The following MT4 variants were observed in gnomAD, a reference collection of about 807,000 sequenced individuals.
The protein encoded by MT4 is metallothionein-4.
MT4 carries 11 observed loss-of-function variants against 9.5 expected under a neutral mutation model. The ratio of observed to expected loss-of-function variants is 1.16; its 90% CI spans 0.73 to 1.92. The LOEUF (loss-of-function observed/expected upper bound fraction) is 1.92. Ranked by LOEUF, MT4 falls within the 30% of genes most tolerant of loss-of-function variation. The pLI is 0.00. For synonymous variants in MT4, 29 were observed against 24.6 expected (o/e 1.18, Z -0.53); for missense variants, 88 against 78.7 (o/e 1.12, Z -0.45).
intron 2 of MT4, among the ~76,000 whole-genome samples, chr16:56,568,305 G>T (rs1202191568): frequency 6.9e-6 from 1 of 144,480 alleles, no homozygotes; most frequent in Admixed American, 6.9e-5. Context: ...AAGAAAGAAA[G>T]AAAGAAAGAA....
At chr16:56,568,231 GAAAGAAAGAAAGAAAGAAAGAA>G (rs1207151618) in intron 2 of MT4, among the ~76,000 whole-genome samples, 745 of 34,190 alleles carry the variant, frequency 0.022, 28 homozygotes, top group Middle Eastern at 0.038. Flanking sequence ...AAGAAAGAAA[GAAAGAAAGAAAGAAAGAAAGAA>G]AGAAAGAGAG....
At chr16:56,568,209 G>A (rs186787504) in intron 2 of MT4, among the ~76,000 whole-genome samples, 35 of 61,546 alleles carry the variant, frequency 5.7e-4, no homozygotes, top group African/African-American at 2.1e-3. Context: ...GAGAGAGAGA[G>A]AGAGAGAAAG....
At chr16:56,565,920 C>T (rs1205255853) in intron 1 of MT4, among the ~76,000 whole-genome samples, 3 of 151,808 alleles carry the variant, frequency 2.0e-5, no homozygotes, top group African/African-American at 7.3e-5. Flanking sequence ...TTAAACTTAG[C>T]TGGGCGTAGT....
chr16:56,566,819 A>AAAGAAAGAAAGAAAGAAAG (rs1160884981), intron 1 of MT4, among the ~76,000 whole-genome samples: 3 of 52,528 alleles, frequency 5.7e-5, no homozygotes, highest in Admixed American at 2.6e-4. Context: ...AGAAAGAAAG[A>AAAGAAAGAAAGAAAGAAAG]AAAGAAAGAA....
chr16:56,565,074 C>T lies in MT4; in HGVS notation c.-55C>T. Reference sequence around the variant, plus strand: ...ATGGGGAGCCTCTGGCTGCTGCTCACTCAGCCTCCCTTCCCCAGCCGTGAC... The same window carrying T: ...ATGGGGAGCCTCTGGCTGCTGCTCATTCAGCCTCCCTTCCCCAGCCGTGAC... On this transcript the variant is annotated 5_prime_UTR_variant, in exon 1 of 3. Transcript: ENST00000219162. 6.2e-7 allele frequency: 1 copy of T among 1,609,972 alleles called. No individual in the cohort carries two copies. Among genetic ancestry groups the T allele is most frequent in the South Asian group, 1.1e-5 (1 of 90,642 alleles).
intron 2 of MT4, among the ~76,000 whole-genome samples, chr16:56,568,211 GAGAGAAAGAAAGAAAGAAAGAAAGAA>G (rs1175886007): frequency 8.6e-5 from 5 of 57,826 alleles, no homozygotes; most frequent in African/African-American, 2.7e-4. Flanking sequence ...GAGAGAGAGA[GAGAGAAAGAAAGAAAGAAAGAAAGAA>G]AGAAAGAAAG....
chr16:56,566,707 AAAGAAAG>A (rs1959524186), intron 1 of MT4, among the ~76,000 whole-genome samples: 1 of 49,398 alleles, frequency 2.0e-5, no homozygotes, highest in Non-Finnish European at 3.5e-5. Flanking sequence ...AAAGAGAAAG[AAAGAAAG>A]AAAGAAAGAA....
At chr16:56,566,722 GA>G (rs377281082) in intron 1 of MT4, among the ~76,000 whole-genome samples, 12,461 of 48,302 alleles carry the variant, frequency 0.26, 978 homozygotes, top group Non-Finnish European at 0.34. Context: ...AAGAAAGAAA[GA>G]AAGAAAGAAA....
At chr16:56,565,478 C>T (rs559879645) in intron 1 of MT4, among the ~76,000 whole-genome samples, 1 of 152,304 alleles carries the variant, frequency 6.6e-6, no homozygotes, top group Non-Finnish European at 1.5e-5. Flanking sequence ...ATCTGGCAAC[C>T]TGGTTTGGGT....
intron 2 of MT4, among the ~76,000 whole-genome samples, chr16:56,568,257 A>AAGAG (rs200348412): frequency 3.6e-5 from 3 of 83,186 alleles, no homozygotes; most frequent in African/African-American, 1.0e-4. Context: ...GAAAGAAAGA[A>AAGAG]AGAGAGAGAG....
chr16:56,568,828 C>G lies in MT4; in HGVS notation c.98-13C>G. Reference sequence around the variant, plus strand: ...GACCCACAGCGGATCTGCGCATCTCCTGACTCTTTCAGGCTGCTGTCCCTG... The same window carrying G: ...GACCCACAGCGGATCTGCGCATCTCGTGACTCTTTCAGGCTGCTGTCCCTG... On this transcript the variant is annotated splice_polypyrimidine_tract_variant and intron_variant, in intron 2 of 2. Coordinates refer to ENST00000219162, the MANE Select transcript of MT4 (RefSeq NM_032935.3). The G allele has an allele frequency of 6.3e-7, 1 of 1,576,608 alleles. No homozygotes were observed. The highest frequency in any genetic ancestry group is 8.6e-7 in the Non-Finnish European group (1 of 1,160,490).
At chr16:56,568,267 GAGAGAGAAAGAAAGAA>G (rs1959574635) in intron 2 of MT4, among the ~76,000 whole-genome samples, 4 of 68,582 alleles carry the variant, frequency 5.8e-5, no homozygotes, top group African/African-American at 2.2e-4. Context: ...AAGAGAGAGA[GAGAGAGAAAGAAAGAA>G]AGAAAGAAAG....
At chr16:56,566,819 A>AAAAGAAAGAAAGAAAGAAAGAAAG (rs199947899) in intron 1 of MT4, among the ~76,000 whole-genome samples, 1 of 52,486 alleles carries the variant, frequency 1.9e-5, no homozygotes, top group African/African-American at 6.6e-5. Flanking sequence ...AGAAAGAAAG[A>AAAAGAAAGAAAGAAAGAAAGAAAG]AAAGAAAGAA....
At chr16:56,568,245 A>AG (rs1567330570) in intron 2 of MT4, among the ~76,000 whole-genome samples, 3 of 32,300 alleles carry the variant, frequency 9.3e-5, no homozygotes, top group Non-Finnish European at 1.4e-4. Context: ...GAAAGAAAGA[A>AG]AGAAAGAAAG....
intron 2 of MT4, among the ~76,000 whole-genome samples, chr16:56,568,271 G>GAGAGAGAGAA (rs1567330643): frequency 2.9e-4 from 17 of 58,648 alleles, no homozygotes; most frequent in South Asian, 8.3e-4. Context: ...GAGAGAGAGA[G>GAGAGAGAGAA]AGAAAGAAAG....
In MT4 at chr16:56,565,791, T is replaced by C. The variant is rs796471722; in HGVS notation, c.31+632T>C. 1.1e-4 allele frequency among the ~76,000 whole-genome samples: 17 copies of C among 152,252 alleles called. 1 individual carries two copies. The highest frequency in any genetic ancestry group is 3.9e-4 in the African/African-American group (16 of 41,550). ...TATGAAGAAGTCTCACAAGTCTGGG[T>C]GGTGTGGCTCACAACTGTAGTCCCA... On this transcript the variant is annotated intron_variant, in intron 1 of 2. Transcript: ENST00000219162.
At chr16:56,565,205 T>G (rs748643647) in intron 1 of MT4, 46 bp downstream of exon 1, 1 of 1,595,364 alleles carries the variant, frequency 6.3e-7, no homozygotes, top group East Asian at 2.3e-5. Context: ...TTGGACCAGC[T>G]TCCTACAGGG....
intron 1 of MT4, among the ~76,000 whole-genome samples, chr16:56,566,855 G>T (rs77077775): frequency 0.16 from 22,988 of 146,668 alleles, 2,473 homozygotes; most frequent in Non-Finnish European, 0.23. Context: ...AAGAAAGAAA[G>T]AAATGAGGGA....
chr16:56,567,021 TTTTG>T (rs1403292304), intron 1 of MT4, among the ~76,000 whole-genome samples: 36 of 152,036 alleles, frequency 2.4e-4, no homozygotes, highest in Admixed American at 1.1e-3. Flanking sequence ...TGAAAGGGGT[TTTTG>T]TTTGTTTGTT....
Sources: allele counts gnomAD v4.1 joint callset (sites outside exome capture counted in the v4.1 genomes callset), GRCh38; gene constraint gnomAD v4.1.1; transcripts MANE v1.5; gene names NCBI Gene and HGNC (gene_info 2026-07-23, HGNC 2026-07-21).